The following TSPAN9 variants were observed in gnomAD, a reference collection of about 807,000 sequenced individuals.
TSPAN9 encodes tetraspanin-9.
TSPAN9 carries 16 observed loss-of-function variants against 31.0 expected under a neutral mutation model. The observed-to-expected ratio is 0.52, with a 90% confidence interval of 0.35 to 0.78. TSPAN9 has a LOEUF of 0.78. Ranked by LOEUF, TSPAN9 falls within the 30% of genes least tolerant of loss-of-function variation. TSPAN9 has a pLI of 0.01. For missense variants in TSPAN9, 272 were observed against 312.5 expected (o/e 0.87, Z 0.98); for synonymous variants, 145 against 121.6 (o/e 1.19, Z -1.27).
intron 2 of TSPAN9, among the ~76,000 whole-genome samples, chr12:3,167,715 G>T (rs192373583): frequency 6.6e-6 from 1 of 152,158 alleles, no homozygotes; most frequent in Non-Finnish European, 1.5e-5. Context: ...ATGGTCTCCC[G>T]CTTGGGATCG....
At chr12:3,200,377 G>C (rs991258628) in intron 2 of TSPAN9, 1 of 152,212 alleles carries the variant, frequency 6.6e-6, no homozygotes, top group Non-Finnish European at 1.5e-5. Context: ...GGTTGCAGCT[G>C]CGGCGGATCC....
At chr12:3,158,099 C>T (rs1208904870) in intron 2 of TSPAN9, among the ~76,000 whole-genome samples, 1 of 152,238 alleles carries the variant, frequency 6.6e-6, no homozygotes, top group East Asian at 1.9e-4. Context: ...GGGGTTTCCT[C>T]TTCTTGCTTT....
chr12:3,266,986 G>A (rs1224231618), intron 3 of TSPAN9, among the ~76,000 whole-genome samples: 1 of 152,160 alleles, frequency 6.6e-6, no homozygotes, highest in Non-Finnish European at 1.5e-5. Flanking sequence ...CTGAGCTAGA[G>A]CCATGGAAGA....
rs541476692 is a variant in TSPAN9, at chr12:3,085,388, G to T, written c.-18+1669G>T. Among the ~76,000 whole-genome samples the T allele has an allele frequency of 5.3e-5, 8 of 151,446 alleles. No individual in the cohort carries two copies. The East Asian group carries it at 1.4e-3, about 26-fold the overall frequency. On this transcript the variant is annotated intron_variant, in intron 2 of 8. Coordinates refer to ENST00000011898, the MANE Select transcript of TSPAN9 (RefSeq NM_006675.5). ...TGGGGAGACACAGATAGCCCCTGAC[G>T]TCACCAGCCGTGTCTATCTAGATGA...
At chr12:3,227,284 G>C (rs1236363662) in intron 3 of TSPAN9, among the ~76,000 whole-genome samples, 1 of 152,208 alleles carries the variant, frequency 6.6e-6, no homozygotes, top group African/African-American at 2.4e-5. Flanking sequence ...GGCTGTACAT[G>C]TGTCCTGGGC....
rs111618719 is a variant in TSPAN9, at chr12:3,188,738, G to A, written c.-17-12439G>A. Among the ~76,000 whole-genome samples the A allele has an allele frequency of 2.3e-3, 344 of 152,270 alleles. 3 individuals carry two copies. The highest frequency in any genetic ancestry group is 7.9e-3 in the African/African-American group (329 of 41,530). On this transcript the variant is annotated intron_variant, in intron 2 of 8. Transcript: ENST00000011898. Reference sequence around the variant, plus strand: ...TCCAGGCTGGACATCTGAGCCCCCCGGTGGTTTCTGTAGATGGCTGGATCT... The same window carrying A: ...TCCAGGCTGGACATCTGAGCCCCCCAGTGGTTTCTGTAGATGGCTGGATCT...
intron 2 of TSPAN9, among the ~76,000 whole-genome samples, chr12:3,140,640 G>A (rs975200560): frequency 2.6e-5 from 4 of 152,148 alleles, no homozygotes; most frequent in African/African-American, 9.7e-5. Context: ...GAAAGTTCAG[G>A]ATTTCTTGGG....
In TSPAN9 at chr12:3,240,024, C is replaced by CTT. The variant is rs67405270; in HGVS notation, c.64-38389_64-38388dup. Reference sequence around the variant, plus strand: ...TTAGTCCTCCTGTCCCTATTACTCCCTTTTTTTTTCCTTTTAGCTTTTTAT... The same window carrying CTT: ...TTAGTCCTCCTGTCCCTATTACTCCCTTTTTTTTTTTCCTTTTAGCTTTTTAT... On this transcript the variant is annotated intron_variant, in intron 3 of 8. Coordinates refer to ENST00000011898, the MANE Select transcript of TSPAN9 (RefSeq NM_006675.5). Among the ~76,000 whole-genome samples, 889 of 149,290 alleles carry CTT rather than the reference C, an allele frequency of 6.0e-3. 10 individuals carry two copies. Among genetic ancestry groups the CTT allele is most frequent in the African/African-American group, 0.019 (758 of 40,668 alleles).
At chr12:3,160,254 C>G (rs2098344357) in intron 2 of TSPAN9, among the ~76,000 whole-genome samples, 4 of 152,202 alleles carry the variant, frequency 2.6e-5, no homozygotes, top group Non-Finnish European at 5.9e-5. Context: ...AGGGTTCATC[C>G]ATGTTGTAGC....
chr12:3,236,303 A>G (rs2098393699), intron 3 of TSPAN9, among the ~76,000 whole-genome samples: 1 of 152,168 alleles, frequency 6.6e-6, no homozygotes, highest in Admixed American at 6.5e-5. Flanking sequence ...GTTAATTACC[A>G]TTTATCTAGT....
intron 3 of TSPAN9, among the ~76,000 whole-genome samples, chr12:3,233,499 T>C (rs1168812879): frequency 6.6e-6 from 1 of 152,230 alleles, no homozygotes; most frequent in Non-Finnish European, 1.5e-5. Flanking sequence ...CATTCTATAG[T>C]TGCATGTGCT....
rs140462580 is a variant in TSPAN9, at chr12:3,276,228, C to T, written c.64-2193C>T. 1.7e-3 allele frequency among the ~76,000 whole-genome samples: 260 copies of T among 152,270 alleles called. 2 individuals are homozygous for T. Among genetic ancestry groups the T allele is most frequent in the African/African-American group, 5.8e-3 (241 of 41,580 alleles). On this transcript the variant is annotated intron_variant, in intron 3 of 8. Transcript: ENST00000011898. ...TCCCAGTTGCTCTCCTGGCCTCCCTCGGGCCCTCCCGCGGTCGCTTCTCCA... is the reference window on the plus strand; with the variant it reads ...TCCCAGTTGCTCTCCTGGCCTCCCTTGGGCCCTCCCGCGGTCGCTTCTCCA...
chr12:3,221,520 G>A lies in TSPAN9; in HGVS notation c.63+20264G>A, dbSNP rs146548639. 4.0e-3 allele frequency among the ~76,000 whole-genome samples: 611 copies of A among 152,006 alleles called. 1 individual carries two copies. The highest frequency in any genetic ancestry group is 0.014 in the Middle Eastern group (4 of 294). On this transcript the variant is annotated intron_variant, in intron 3 of 8. Coordinates refer to ENST00000011898, the MANE Select transcript of TSPAN9 (RefSeq NM_006675.5). ...ATTACAGGTGCATGCCACCAAGCCC[G>A]TCTAATTTTTGTAGTTTTAGTAGAG...
chr12:3,238,079 A>G (rs937552369), intron 3 of TSPAN9, among the ~76,000 whole-genome samples: 5 of 152,162 alleles, frequency 3.3e-5, no homozygotes, highest in Non-Finnish European at 7.4e-5. Context: ...TCCTCAAGAG[A>G]AGGACGAGAC....
At chr12:3,228,155 C>T (rs1339187615) in intron 3 of TSPAN9, among the ~76,000 whole-genome samples, 1 of 152,116 alleles carries the variant, frequency 6.6e-6, no homozygotes, top group Non-Finnish European at 1.5e-5. Flanking sequence ...TTGAGACCAG[C>T]CTGGGCAACA....
At chr12:3,145,795 G>A (rs1450970802) in intron 2 of TSPAN9, among the ~76,000 whole-genome samples, 1 of 152,262 alleles carries the variant, frequency 6.6e-6, no homozygotes. Context: ...ACCATTTGGG[G>A]TGTCAGGCTG....
At chr12:3,197,176 C>G (rs935983815) in intron 2 of TSPAN9, among the ~76,000 whole-genome samples, 1 of 152,228 alleles carries the variant, frequency 6.6e-6, no homozygotes, top group African/African-American at 2.4e-5. Context: ...TGCCCTTGAT[C>G]ACACAGCTAA....
At chr12:3,247,532 A>T (rs1862161776) in intron 3 of TSPAN9, among the ~76,000 whole-genome samples, 1 of 152,152 alleles carries the variant, frequency 6.6e-6, no homozygotes, top group Non-Finnish European at 1.5e-5. Flanking sequence ...TGGGCGAGGG[A>T]AGACACCTTA....
At chr12:3,207,223 G>C (rs143178880) in intron 3 of TSPAN9, among the ~76,000 whole-genome samples, 78 of 152,144 alleles carry the variant, frequency 5.1e-4, no homozygotes, top group African/African-American at 1.8e-3. Context: ...AGGTCTTGCT[G>C]TGTCACTCGG....
Sources: gnomAD v4.1 joint callset for allele counts (sites outside exome capture counted in the v4.1 genomes callset) on GRCh38, gnomAD v4.1.1 for gene constraint, MANE v1.5 for transcripts, NCBI Gene and HGNC (gene_info 2026-07-23, HGNC 2026-07-21) for gene names.